The following GRID2 variants were observed in gnomAD, a reference collection of about 807,000 sequenced individuals.
The protein encoded by GRID2 is glutamate receptor ionotropic, delta-2.
GRID2 carries 33 observed loss-of-function variants against 114.8 expected under a neutral mutation model. The observed-to-expected ratio is 0.29, with a 90% CI of 0.22 to 0.38. The LOEUF (loss-of-function observed/expected upper bound fraction) is 0.38. GRID2 is among the 10% of genes least tolerant of loss of function. The probability of loss-of-function intolerance (pLI) is 1.00; values close to 1 mark genes in which losing one functional copy is unlikely to be tolerated. For missense variants in GRID2, 1,184 were observed against 1,257.7 expected (o/e 0.94, Z 0.89); for synonymous variants, 505 against 449.9 (o/e 1.12, Z -1.55).
At position 92,521,929 on chromosome 4, in the gene GRID2, C is replaced by A. The variant is rs570613191; in HGVS notation, c.89-68202C>A. Among the ~76,000 whole-genome samples the A allele has an allele frequency of 4.6e-5, 7 of 151,968 alleles. 1 individual carries two copies. The South Asian group carries it at 1.5e-3, about 32-fold the overall frequency. On this transcript the variant is annotated intron_variant, in intron 1 of 15. Transcript: ENST00000282020. Reference sequence around the variant, plus strand: ...ACATGTAGTCATTTATTATTATGTACCCAGCACTCTTCTAAGTGCTTGGGA... The same window carrying A: ...ACATGTAGTCATTTATTATTATGTAACCAGCACTCTTCTAAGTGCTTGGGA...
chr4:93,625,771 G>T (rs905718602), intron 13 of GRID2, among the ~76,000 whole-genome samples: 5 of 151,910 alleles, frequency 3.3e-5, no homozygotes, highest in African/African-American at 9.7e-5. Flanking sequence ...AAAAATTAGC[G>T]GGGCGCGGTG....
intron 14 of GRID2, among the ~76,000 whole-genome samples, chr4:93,686,795 G>A (rs79905334): frequency 0.041 from 6,246 of 152,010 alleles, 196 homozygotes; most frequent in African/African-American, 0.081. Context: ...AAAGGCCAGT[G>A]CATTTTGAGT....
At chr4:93,064,715 G>A (rs1305998915) in intron 2 of GRID2, among the ~76,000 whole-genome samples, 1 of 151,816 alleles carries the variant, frequency 6.6e-6, no homozygotes, top group Non-Finnish European at 1.5e-5. Context: ...TCTAAAACTT[G>A]AAAGGAAATG....
At chr4:93,795,003 T>C (rs1171234120) in intron 1 of GRID2, among the ~76,000 whole-genome samples, 2 of 152,210 alleles carry the variant, frequency 1.3e-5, no homozygotes, top group Non-Finnish European at 2.9e-5. Context: ...AATGGTCTGG[T>C]AAATCAAAAT....
chr4:93,132,489 A>G (rs1006985125), intron 4 of GRID2, among the ~76,000 whole-genome samples: 18 of 152,172 alleles, frequency 1.2e-4, no homozygotes, highest in Non-Finnish European at 1.6e-4. Context: ...GCTGTCCACA[A>G]TTAAGTTTGG....
chr4:92,708,049 G>C (rs918167261), intron 2 of GRID2, among the ~76,000 whole-genome samples: 5 of 152,140 alleles, frequency 3.3e-5, no homozygotes, highest in Non-Finnish European at 7.3e-5. Context: ...GACAGAGAAG[G>C]CTATGGAAGT....
chr4:92,651,219 T>C (rs1336215408), intron 2 of GRID2, among the ~76,000 whole-genome samples: 2 of 152,080 alleles, frequency 1.3e-5, no homozygotes, highest in Non-Finnish European at 2.9e-5. Flanking sequence ...CCTTCCATGA[T>C]GGAAACAGTC....
intron 14 of GRID2, among the ~76,000 whole-genome samples, chr4:93,749,462 G>C (rs925100574): frequency 2.0e-5 from 3 of 152,166 alleles, no homozygotes; most frequent in Admixed American, 6.5e-5. Flanking sequence ...TCATAGAGCT[G>C]GCCTGCCACT....
intron 2 of GRID2, among the ~76,000 whole-genome samples, chr4:92,940,802 CT>C (rs1560724178): frequency 1.3e-5 from 2 of 152,008 alleles, no homozygotes; most frequent in African/African-American, 4.8e-5. Flanking sequence ...TGTCAAAGGC[CT>C]TTTGTGCATC....
chr4:92,713,148 C>T (rs565390520), intron 2 of GRID2, among the ~76,000 whole-genome samples: 19 of 147,528 alleles, frequency 1.3e-4, no homozygotes, highest in African/African-American at 4.6e-4. Flanking sequence ...CCTCCCCGCT[C>T]CCCCCACCCC....
At chr4:93,589,973 G>A (rs1431987681) in intron 13 of GRID2, among the ~76,000 whole-genome samples, 2 of 150,648 alleles carry the variant, frequency 1.3e-5, no homozygotes, top group Admixed American at 1.3e-4. Flanking sequence ...AGATGAGTAG[G>A]TTGTGAAAAT....
intron 1 of GRID2, among the ~76,000 whole-genome samples, chr4:92,536,132 G>C (rs1725618532): frequency 6.6e-6 from 1 of 152,158 alleles, no homozygotes; most frequent in Admixed American, 6.5e-5. Context: ...CCGGTGGCCT[G>C]CTTTTATTCC....
At position 92,643,899 on chromosome 4, in the gene GRID2, T is replaced by C. The variant is rs983338820; in HGVS notation, c.244+53613T>C. On this transcript the variant is annotated intron_variant, in intron 2 of 15. Transcript: ENST00000282020. ...TCTAATCAGAATTGTCTTTTTCAAT[T>C]GCAAAGTGTAATTTTCTCAAGGATC... Among the ~76,000 whole-genome samples, 61 of 151,970 alleles carry C rather than the reference T, an allele frequency of 4.0e-4. 2 individuals carry two copies. Among genetic ancestry groups the C allele is most frequent in the South Asian group, 1.0e-3 (5 of 4,826 alleles).
At chr4:92,970,916 G>A (rs1479966792) in intron 2 of GRID2, among the ~76,000 whole-genome samples, 1 of 151,412 alleles carries the variant, frequency 6.6e-6, no homozygotes, top group Non-Finnish European at 1.5e-5. Context: ...GTGTTAATTA[G>A]CATTGCATAT....
At chr4:92,592,561 C>A (rs1048089796) in intron 2 of GRID2, among the ~76,000 whole-genome samples, 2 of 151,796 alleles carry the variant, frequency 1.3e-5, no homozygotes, top group African/African-American at 4.8e-5. Flanking sequence ...AGTGACGTGA[C>A]GGCACTGAAA....
chr4:92,958,020 A>T (rs556404386), intron 2 of GRID2, among the ~76,000 whole-genome samples: 5 of 152,184 alleles, frequency 3.3e-5, no homozygotes, highest in African/African-American at 1.2e-4. Context: ...ACACTGCTAT[A>T]ATCACTTGTT....
intron 1 of GRID2, among the ~76,000 whole-genome samples, chr4:92,577,339 T>C (rs572095759): frequency 6.9e-4 from 105 of 152,226 alleles, no homozygotes; most frequent in African/African-American, 2.4e-3. Flanking sequence ...GGTATAAACA[T>C]TAGGATTAAG....
At chr4:92,383,710 C>T (rs1239581407) in intron 1 of GRID2, among the ~76,000 whole-genome samples, 1 of 151,896 alleles carries the variant, frequency 6.6e-6, no homozygotes, top group African/African-American at 2.4e-5. Flanking sequence ...CCTCTCCCTC[C>T]TCCAATGATG....
intron 2 of GRID2, among the ~76,000 whole-genome samples, chr4:92,947,709 C>T (rs963530437): frequency 4.0e-5 from 6 of 151,040 alleles, no homozygotes; most frequent in African/African-American, 9.7e-5. Context: ...TGTGTGTGTG[C>T]GTGTATATGT....
Sources: allele counts gnomAD v4.1 joint callset (sites outside exome capture counted in the v4.1 genomes callset), GRCh38; gene constraint gnomAD v4.1.1; transcripts MANE v1.5; gene names NCBI Gene and HGNC (gene_info 2026-07-23, HGNC 2026-07-21).